Variants in YAF2 observed in about 807,000 individuals in gnomAD.
YAF2 encodes YY1 associated factor 2.
In YAF2, 7 loss-of-function variants were observed where a neutral mutation model predicts 20.1. The ratio of observed to expected loss-of-function variants is 0.35; its 90% CI spans 0.20 to 0.65. The LOEUF is 0.65. Among genes scored for constraint, YAF2 ranks in the 30% least tolerant of loss-of-function variants. The pLI, the probability that YAF2 is intolerant of heterozygous loss-of-function variation, is 0.69. For missense variants in YAF2, 151 were observed against 219.2 expected, an observed-to-expected ratio of 0.69 and a Z score of 1.96; for synonymous variants, 74 against 76.0, an observed-to-expected ratio of 0.97 and a Z score of 0.14.
In YAF2 at chr12:42,234,921, G is replaced by A. The variant is rs10083090; in HGVS notation, c.152+2678C>T. 682 of 879,176 alleles carry A rather than the reference G, an allele frequency of 7.8e-4. 4 individuals are homozygous for A. In the African/African-American group the frequency reaches 0.012, roughly 15 times the overall value. 54.5% of individuals were successfully genotyped at this position (879,176 alleles called of 1,614,324 possible). A position where few individuals can be genotyped will look rare whatever the true frequency, so the allele number is the denominator to read the frequency against. ...GAGGATTCCTTGAACCTGGGAGTTC[G>A]AGGCTGCAGTGAGCCTGGATGATGC... On this transcript the variant is annotated intron_variant, in intron 2 of 3. Transcript: ENST00000534854.
chr12:42,218,683 G>A (rs1239499357), intron 2 of YAF2, among the ~76,000 whole-genome samples: 1 of 151,904 alleles, frequency 6.6e-6, no homozygotes, highest in Non-Finnish European at 1.5e-5. Flanking sequence ...GATTATGACT[G>A]GCTCCCAAAA....
At chr12:42,198,439 G>A (rs534440156) in intron 2 of YAF2, among the ~76,000 whole-genome samples, 1 of 152,168 alleles carries the variant, frequency 6.6e-6, no homozygotes, top group East Asian at 1.9e-4. Flanking sequence ...ACAAAAATTG[G>A]CCAAGTGTTG....
chr12:42,236,281 A>C (rs2137456512), intron 2 of YAF2, among the ~76,000 whole-genome samples: 1 of 152,378 alleles, frequency 6.6e-6, no homozygotes, highest in South Asian at 2.1e-4. Flanking sequence ...CTTAAATCAC[A>C]AATCACGGGT....
rs145248919 is a variant in YAF2, at chr12:42,235,560, G to GAC, written c.152+2038_152+2039insGT. On this transcript the variant is annotated intron_variant, in intron 2 of 3. Transcript: ENST00000534854. ...TTAGAGCCAAAATCAAAAGAGAAGA[G>GAC]AATTCAGAGAGAGGAAGGAAGAAGC... 2.1e-3 allele frequency: 2,847 copies of GAC among 1,383,370 alleles called. 50 individuals are homozygous for GAC. The African/African-American group carries it at 0.038, about 18-fold the overall frequency. The allele number at this position is 1,383,370 out of a possible 1,614,324, so 85.7% of individuals were successfully genotyped here. A position where few individuals can be genotyped will look rare whatever the true frequency, so the allele number is the denominator to read the frequency against.
chr12:42,209,085 C>A (rs2067132280), intron 2 of YAF2, among the ~76,000 whole-genome samples: 1 of 152,020 alleles, frequency 6.6e-6, no homozygotes, highest in African/African-American at 2.4e-5. Flanking sequence ...TATTTGGTAC[C>A]TGAGGAAATC....
intron 2 of YAF2, among the ~76,000 whole-genome samples, chr12:42,221,388 T>C (rs912687833): frequency 6.6e-6 from 1 of 152,064 alleles, no homozygotes; most frequent in Admixed American, 6.6e-5. Context: ...CTGGACAACA[T>C]AGCAAGACCT....
chr12:42,218,947 C>T (rs1273273881), intron 2 of YAF2, among the ~76,000 whole-genome samples: 5 of 152,072 alleles, frequency 3.3e-5, no homozygotes, highest in Middle Eastern at 3.2e-3. Context: ...TCCTGCCACC[C>T]TACAAAACTC....
intron 2 of YAF2, among the ~76,000 whole-genome samples, chr12:42,225,557 A>C (rs1183350498): frequency 6.6e-6 from 1 of 152,158 alleles, no homozygotes; most frequent in African/African-American, 2.4e-5. Context: ...ATTTTGTGTA[A>C]AGTGTAAGGA....
rs531564763 is a variant in YAF2 at position 42,207,857 on chromosome 12, C to T, written c.152+29742G>A. On this transcript the variant is annotated intron_variant, in intron 2 of 3. Coordinates refer to ENST00000534854, the MANE Select transcript of YAF2 (RefSeq NM_005748.6). ...AGTGAGCCGAGATCGTGCCACTGCA[C>T]TCCAGCCTGGGCGACAGAGCGAGAC... is the stretch of plus-strand genomic sequence containing the variant. 4.6e-5 allele frequency among the ~76,000 whole-genome samples: 7 copies of T among 152,254 alleles called. No homozygotes were observed. In the East Asian group the frequency reaches 1.4e-3, roughly 29 times the overall value.
At chr12:42,165,331 A>G (rs963156895) in intron 2 of YAF2, among the ~76,000 whole-genome samples, 2 of 152,256 alleles carry the variant, frequency 1.3e-5, no homozygotes, top group Admixed American at 6.5e-5. Flanking sequence ...GACCCTTTTA[A>G]TAAGAGAACA....
At position 42,157,194 on chromosome 12, in the gene YAF2, G is replaced by A. The variant is rs549903831; in HGVS notation, c.*3395C>T. The A allele has an allele frequency of 6.6e-6, 1 of 152,338 alleles. No individual in the cohort carries two copies. Among genetic ancestry groups the A allele is most frequent in the East Asian group, 1.9e-4 (1 of 5,192 alleles). 9.4% of individuals were successfully genotyped at this position (152,338 alleles called of 1,614,324 possible). A position where few individuals can be genotyped will look rare whatever the true frequency, so the allele number is the denominator to read the frequency against. Reference sequence around the variant, plus strand: ...GCCCATCTGATGAGGGCCTCATGCTGCTTCAACTCATGGTGGAAAGCAGAT... The same window carrying A: ...GCCCATCTGATGAGGGCCTCATGCTACTTCAACTCATGGTGGAAAGCAGAT... On this transcript the variant is annotated 3_prime_UTR_variant, in exon 4 of 4. Transcript: ENST00000534854.
At chr12:42,173,477 T>C (rs1261458709) in intron 2 of YAF2, among the ~76,000 whole-genome samples, 2 of 152,246 alleles carry the variant, frequency 1.3e-5, no homozygotes, top group Non-Finnish European at 2.9e-5. Flanking sequence ...CACGACAGTT[T>C]GGCATTTGCT....
intron 2 of YAF2, among the ~76,000 whole-genome samples, chr12:42,202,042 C>T (rs148629691): frequency 3.8e-4 from 58 of 152,240 alleles, no homozygotes; most frequent in African/African-American, 1.3e-3. Context: ...AAGTTTTTCA[C>T]GTGTATTATT....
At chr12:42,235,923 C>CT (rs1256335812) in intron 2 of YAF2, 3 of 1,536,126 alleles carry the variant, frequency 2.0e-6, no homozygotes, top group African/African-American at 2.7e-5. Flanking sequence ...ACCACCTACT[C>CT]TATTTCTCAG....
chr12:42,190,528 C>T (rs1378105261), intron 2 of YAF2, among the ~76,000 whole-genome samples: 4 of 152,094 alleles, frequency 2.6e-5, no homozygotes, highest in South Asian at 4.1e-4. Context: ...ATTTACTATT[C>T]CTTATCTTCA....
chr12:42,226,685 T>A (rs908689502), intron 2 of YAF2, among the ~76,000 whole-genome samples: 2 of 152,012 alleles, frequency 1.3e-5, no homozygotes, highest in Non-Finnish European at 1.5e-5. Context: ...AAATAAATAA[T>A]GCTAAAACGA....
chr12:42,203,431 T>G (rs1015566275), intron 2 of YAF2, among the ~76,000 whole-genome samples: 9 of 152,166 alleles, frequency 5.9e-5, no homozygotes, highest in African/African-American at 1.7e-4. Context: ...TTTTCTTTCT[T>G]TTTTGCGTAT....
In YAF2 at chr12:42,189,647, A is replaced by T. The variant is rs1347371044; in HGVS notation, c.153-27882T>A. On this transcript the variant is annotated intron_variant, in intron 2 of 3. Coordinates refer to ENST00000534854, the MANE Select transcript of YAF2 (RefSeq NM_005748.6). ...TCTATATGTATCTGATGTTTATGATACATACATTATAGATAAAACATATAG... is the reference window on the plus strand; with the variant it reads ...TCTATATGTATCTGATGTTTATGATTCATACATTATAGATAAAACATATAG... Among the ~76,000 whole-genome samples the T allele has an allele frequency of 2.0e-5, 3 of 152,222 alleles. No homozygotes were observed. The South Asian group carries it at 6.2e-4, about 32-fold the overall frequency.
Position 42,216,492 on chromosome 12 carries a change from T to C in YAF2, c.152+21107A>G, listed in dbSNP as rs2067361671. 2.0e-5 allele frequency among the ~76,000 whole-genome samples: 3 copies of C among 152,130 alleles called. No homozygotes were observed. The South Asian group carries it at 6.2e-4, about 32-fold the overall frequency. On this transcript the variant is annotated intron_variant, in intron 2 of 3. Transcript: ENST00000534854. Reference sequence around the variant, plus strand: ...TTCTTACTCCCTATTAATTTTTTTTTCCTTCTCCATTTCTTTCTTCTTCTT... The same window carrying C: ...TTCTTACTCCCTATTAATTTTTTTTCCCTTCTCCATTTCTTTCTTCTTCTT...
Sources: allele counts gnomAD v4.1 joint callset (sites outside exome capture counted in the v4.1 genomes callset), GRCh38; gene constraint gnomAD v4.1.1; transcripts MANE v1.5; gene names NCBI Gene and HGNC (gene_info 2026-07-23, HGNC 2026-07-21).